Variants in MECOM observed in about 807,000 individuals in gnomAD.
MECOM encodes the protein histone-lysine N-methyltransferase MECOM.
MECOM carries 13 observed loss-of-function variants against 116.3 expected under a neutral mutation model. The ratio of observed to expected loss-of-function variants is 0.11; its 90% CI spans 0.07 to 0.18. The LOEUF (loss-of-function observed/expected upper bound fraction) is 0.18. MECOM is among the 10% of genes least tolerant of loss of function. MECOM has a pLI of 1.00. For synonymous variants in MECOM, 528 were observed against 535.2 expected, an observed-to-expected ratio of 0.99 and a Z score of 0.19; for missense variants, 1,299 against 1,509.0, an observed-to-expected ratio of 0.86 and a Z score of 2.31.
intron 5 of MECOM, 120 bp from the exon 6 acceptor site, chr3:169,122,847 G>A (rs577828767): frequency 9.4e-5 from 107 of 1,133,892 alleles, no homozygotes; most frequent in South Asian, 6.6e-4. Flanking sequence ...GAACTGAGAA[G>A]GAGGGAAGAG....
intron 2 of MECOM, among the ~76,000 whole-genome samples, chr3:169,352,091 A>G (rs1226184177): frequency 6.6e-6 from 1 of 151,852 alleles, no homozygotes; most frequent in African/African-American, 2.4e-5. Flanking sequence ...TGATGTTTTT[A>G]TTTTTATTTT....
intron 2 of MECOM, among the ~76,000 whole-genome samples, chr3:169,172,407 ATGTG>A (rs5854312): frequency 0.016 from 2,299 of 144,234 alleles, 22 homozygotes; most frequent in Non-Finnish European, 0.023. Flanking sequence ...GTACCCTTGT[ATGTG>A]TGTGTGTGTG....
chr3:169,606,367 C>T (rs1283714187), intron 1 of MECOM, among the ~76,000 whole-genome samples: 1 of 148,300 alleles, frequency 6.7e-6, no homozygotes, highest in African/African-American at 2.5e-5. Context: ...AAGCCAAGAT[C>T]ACACCTGCAC....
intron 1 of MECOM, among the ~76,000 whole-genome samples, chr3:169,418,664 G>C (rs373637973): frequency 3.9e-5 from 6 of 152,192 alleles, no homozygotes; most frequent in African/African-American, 1.4e-4. Flanking sequence ...TATCTCAATA[G>C]ATGCAGAAAA....
intron 1 of MECOM, among the ~76,000 whole-genome samples, chr3:169,399,266 T>C (rs1428672152): frequency 6.6e-6 from 1 of 152,158 alleles, no homozygotes; most frequent in Non-Finnish European, 1.5e-5. Flanking sequence ...AATACAAAAA[T>C]GTTAATTATG....
At chr3:169,278,934 T>C (rs1486209595) in intron 2 of MECOM, among the ~76,000 whole-genome samples, 1 of 152,156 alleles carries the variant, frequency 6.6e-6, no homozygotes, top group African/African-American at 2.4e-5. Flanking sequence ...GCACCAACAT[T>C]CCAAATATGA....
intron 2 of MECOM, among the ~76,000 whole-genome samples, chr3:169,372,028 C>T (rs1366942043): frequency 1.3e-5 from 2 of 152,020 alleles, no homozygotes; most frequent in East Asian, 3.9e-4. Flanking sequence ...TAATGTATTG[C>T]CCAAGCATTG....
chr3:169,547,309 G>A (rs1305616270), intron 1 of MECOM, among the ~76,000 whole-genome samples: 1 of 152,174 alleles, frequency 6.6e-6, no homozygotes, highest in Admixed American at 6.5e-5. Context: ...TAAGTTTCCT[G>A]AGGCCTCCCA....
chr3:169,096,589 A>G (rs1721569819), intron 12 of MECOM, among the ~76,000 whole-genome samples: 1 of 152,156 alleles, frequency 6.6e-6, no homozygotes, highest in Admixed American at 6.5e-5. Flanking sequence ...CTTATAAATG[A>G]AAACTTCAAT....
chr3:169,314,357 T>C (rs1442306480), intron 2 of MECOM, among the ~76,000 whole-genome samples: 1 of 152,200 alleles, frequency 6.6e-6, no homozygotes, highest in Non-Finnish European at 1.5e-5. Flanking sequence ...CCATGATCAT[T>C]TATCTCTAAA....
chr3:169,576,207 T>C (rs562778418), intron 1 of MECOM, among the ~76,000 whole-genome samples: 2 of 152,290 alleles, frequency 1.3e-5, no homozygotes, highest in African/African-American at 2.4e-5. Context: ...CTCAGATCCT[T>C]AAAACAGTAT....
rs1483276574 is a variant in MECOM at position 169,122,510 on chromosome 3, G to A, written c.978+70C>T. ...CTCTGAAGGCTTGTTTTTATATATC[G>A]TAGCAAGTGATGGATTAAGAGAGAG... On this transcript the variant is annotated intron_variant, in intron 6 of 16. Coordinates refer to ENST00000651503, the MANE Select transcript of MECOM (RefSeq NM_004991.4). 58 of 1,550,492 alleles carry A rather than the reference G, an allele frequency of 3.7e-5. No individual in the cohort carries two copies. In the Middle Eastern group the frequency reaches 5.1e-4, roughly 14 times the overall value.
chr3:169,535,421 T>G (rs1021963611), intron 1 of MECOM, among the ~76,000 whole-genome samples: 12 of 152,132 alleles, frequency 7.9e-5, no homozygotes, highest in Non-Finnish European at 1.6e-4. Flanking sequence ...AAGGCAAACA[T>G]GAAAGAAAAT....
intron 1 of MECOM, among the ~76,000 whole-genome samples, chr3:169,460,251 G>C (rs1747211964): frequency 6.6e-6 from 1 of 152,082 alleles, no homozygotes; most frequent in African/African-American, 2.4e-5. Flanking sequence ...TTCCCACAGA[G>C]AGCAAACAAA....
At position 169,102,237 on chromosome 3, in the gene MECOM, A is replaced by G. The variant is rs1355163509; in HGVS notation, c.2605-11T>C. Reference sequence around the variant, plus strand: ...TTCAATAGCTGACATCTGAAAGGTAAAAGCACAAGACCATGAAGCGTTTGG... The same window carrying G: ...TTCAATAGCTGACATCTGAAAGGTAGAAGCACAAGACCATGAAGCGTTTGG... On this transcript the variant is annotated splice_polypyrimidine_tract_variant and intron_variant, in intron 10 of 16. Coordinates refer to ENST00000651503, the MANE Select transcript of MECOM (RefSeq NM_004991.4). The G allele has an allele frequency of 5.6e-6, 9 of 1,610,400 alleles. No individual in the cohort carries two copies. Among genetic ancestry groups the G allele is most frequent in the African/African-American group, 1.3e-5 (1 of 74,816 alleles).
At chr3:169,623,397 A>G (rs546725217) in intron 1 of MECOM, among the ~76,000 whole-genome samples, 17 of 152,212 alleles carry the variant, frequency 1.1e-4, no homozygotes, top group Non-Finnish European at 1.8e-4. Flanking sequence ...TTCCAAAACT[A>G]CAAAAGTTTC....
intron 2 of MECOM, among the ~76,000 whole-genome samples, chr3:169,177,424 T>C (rs1745324073): frequency 6.6e-6 from 1 of 151,858 alleles, no homozygotes; most frequent in Admixed American, 6.6e-5. Flanking sequence ...ACAACGAGAA[T>C]ACCTGGACAC....
intron 1 of MECOM, among the ~76,000 whole-genome samples, chr3:169,472,631 A>AG (rs1749677648): frequency 1.2e-5 from 1 of 81,650 alleles, no homozygotes; most frequent in African/African-American, 7.1e-5. Context: ...AGAAAAGAAA[A>AG]GAAAAGGAAA....
At chr3:169,615,576 C>T (rs1769898545) in intron 1 of MECOM, among the ~76,000 whole-genome samples, 1 of 152,294 alleles carries the variant, frequency 6.6e-6, no homozygotes, top group South Asian at 2.1e-4. Flanking sequence ...CACACACCTC[C>T]AAGTATCCAT....
Sources: allele counts gnomAD v4.1 joint callset (sites outside exome capture counted in the v4.1 genomes callset), GRCh38; gene constraint gnomAD v4.1.1; transcripts MANE v1.5; gene names NCBI Gene and HGNC (gene_info 2026-07-23, HGNC 2026-07-21).